Variants in SULF1 observed in about 807,000 individuals in gnomAD.
SULF1 encodes the protein sulfatase 1.
A neutral mutation model predicts 110.5 loss-of-function variants in SULF1; 46 were observed. That is an observed-to-expected ratio of 0.42 (90% CI 0.33 to 0.53). SULF1 has a LOEUF of 0.53. SULF1 is among the 20% of genes least tolerant of loss of function. SULF1 has a pLI of 0.12. For missense variants in SULF1, 941 were observed against 1,094.2 expected, an observed-to-expected ratio of 0.86 and a Z score of 1.98; for synonymous variants, 371 against 387.1, an observed-to-expected ratio of 0.96 and a Z score of 0.49.
At chr8:69,550,143 G>A (rs1814589273) in intron 3 of SULF1, among the ~76,000 whole-genome samples, 3 of 151,242 alleles carry the variant, frequency 2.0e-5, no homozygotes, top group African/African-American at 7.3e-5. Flanking sequence ...GAGTGTAAAT[G>A]CACTTCAAGA....
At chr8:69,613,860 T>C (rs1808862768) in intron 13 of SULF1, among the ~76,000 whole-genome samples, 1 of 152,076 alleles carries the variant, frequency 6.6e-6, no homozygotes, top group African/African-American at 2.4e-5. Context: ...TTCTCATGAC[T>C]ATCCATGAAG....
At chr8:69,546,584 C>T (rs1350689748) in intron 3 of SULF1, among the ~76,000 whole-genome samples, 1 of 152,210 alleles carries the variant, frequency 6.6e-6, no homozygotes, top group Non-Finnish European at 1.5e-5. Context: ...TATAATCAAT[C>T]TAACTTCCTA....
chr8:69,539,129 C>T (rs1813682001), intron 3 of SULF1, among the ~76,000 whole-genome samples: 1 of 152,194 alleles, frequency 6.6e-6, no homozygotes, highest in Non-Finnish European at 1.5e-5. Context: ...AGACACTCGC[C>T]TTTGTCATTC....
At chr8:69,637,727 T>G (rs1241234937) in intron 19 of SULF1, 2 of 152,584 alleles carry the variant, frequency 1.3e-5, no homozygotes, top group African/African-American at 4.8e-5. Flanking sequence ...GAGGATCACT[T>G]GAGCCCAGGA....
intron 5 of SULF1, among the ~76,000 whole-genome samples, chr8:69,572,988 G>A (rs1262822030): frequency 1.3e-5 from 2 of 152,150 alleles, no homozygotes; most frequent in Non-Finnish European, 2.9e-5. Flanking sequence ...CCATCATGCT[G>A]GCTAAGTTTT....
rs565486371 is a variant in SULF1, at chr8:69,638,723, C to G, written c.2428-12C>G. On this transcript the variant is annotated splice_polypyrimidine_tract_variant and intron_variant, in intron 20 of 22. Coordinates refer to ENST00000402687, the MANE Select transcript of SULF1 (RefSeq NM_001128205.2). ...CATAAGCTTAAATAGATTGTCCTGT[C>G]TGCATTCACAGCTCACAAATACAGT... 4.3e-6 allele frequency: 7 copies of G among 1,613,624 alleles called. No individual in the cohort carries two copies. In the South Asian group the frequency reaches 7.7e-5, roughly 18 times the overall value.
intron 3 of SULF1, among the ~76,000 whole-genome samples, chr8:69,554,130 C>T (rs1462042423): frequency 1.3e-5 from 2 of 152,182 alleles, no homozygotes; most frequent in African/African-American, 2.4e-5. Context: ...TATATCAGCT[C>T]CTTTGTGTGA....
chr8:69,485,484 T>C (rs111545261), intron 1 of SULF1, among the ~76,000 whole-genome samples: 2,017 of 152,338 alleles, frequency 0.013, 53 homozygotes, highest in African/African-American at 0.046. Context: ...CTCCCTTGGC[T>C]GTCTGTCACC....
chr8:69,658,395 G>A (rs1812880475), intron 22 of SULF1, 110 bp from the exon 23 acceptor site: 1 of 762,446 alleles, frequency 1.3e-6, no homozygotes, highest in East Asian at 2.5e-5. Flanking sequence ...ATGCTTTTGA[G>A]TGTCATACTT....
At chr8:69,598,929 TG>T (rs753612075) in intron 8 of SULF1, among the ~76,000 whole-genome samples, 136 of 152,328 alleles carry the variant, frequency 8.9e-4, no homozygotes, top group South Asian at 1.4e-3. Flanking sequence ...AGGGTAACTT[TG>T]TCAACCAAGA....
At chr8:69,646,407 C>G (rs185435806) in intron 22 of SULF1, among the ~76,000 whole-genome samples, 9 of 146,308 alleles carry the variant, frequency 6.2e-5, no homozygotes, top group Admixed American at 5.7e-4. Flanking sequence ...TTCGTGAGGT[C>G]AGTACTATTA....
intron 22 of SULF1, among the ~76,000 whole-genome samples, chr8:69,657,330 T>A (rs1381520650): frequency 7.2e-5 from 11 of 152,248 alleles, no homozygotes; most frequent in Admixed American, 7.2e-4. Flanking sequence ...CCCTTCTCTC[T>A]TCCTTTGTGT....
At chr8:69,496,969 T>A (rs1810404998) in intron 2 of SULF1, among the ~76,000 whole-genome samples, 1 of 152,154 alleles carries the variant, frequency 6.6e-6, no homozygotes, top group Non-Finnish European at 1.5e-5. Flanking sequence ...TCTGGCCCCA[T>A]GTCAATTGTG....
At chr8:69,613,654 C>A (rs1808847436) in intron 13 of SULF1, among the ~76,000 whole-genome samples, 1 of 152,040 alleles carries the variant, frequency 6.6e-6, no homozygotes, top group Non-Finnish European at 1.5e-5. Flanking sequence ...AATGACAAAC[C>A]TGAGTTCAAA....
upstream of SULF1, among the ~76,000 whole-genome samples, chr8:69,489,462 C>T (rs138308638): frequency 1.3e-5 from 2 of 149,340 alleles, no homozygotes; most frequent in African/African-American, 5.0e-5. Context: ...TAGTCTGTCA[C>T]AAGGTAAATA....
At chr8:69,523,546 G>A (rs1245722111) in intron 3 of SULF1, among the ~76,000 whole-genome samples, 1 of 152,136 alleles carries the variant, frequency 6.6e-6, no homozygotes, top group African/African-American at 2.4e-5. Flanking sequence ...CACAGGTGCA[G>A]ATACGGAGCA....
At chr8:69,483,261 G>A (rs970206699) in intron 1 of SULF1, among the ~76,000 whole-genome samples, 12 of 152,070 alleles carry the variant, frequency 7.9e-5, no homozygotes, top group African/African-American at 1.7e-4. Flanking sequence ...CATAGCTCAC[G>A]AGAAACTCAT....
chr8:69,635,319 C>T (rs910638835), intron 19 of SULF1, among the ~76,000 whole-genome samples: 1 of 152,130 alleles, frequency 6.6e-6, no homozygotes. Flanking sequence ...AATGATGTCT[C>T]AATATAGGCT....
At chr8:69,517,576 G>A (rs1812016109) in intron 3 of SULF1, among the ~76,000 whole-genome samples, 3 of 152,062 alleles carry the variant, frequency 2.0e-5, no homozygotes, top group East Asian at 1.9e-4. Context: ...CAGGTAAATG[G>A]GTGGGGGCAA....
Sources: gnomAD v4.1 joint callset for allele counts (sites outside exome capture counted in the v4.1 genomes callset) on GRCh38, gnomAD v4.1.1 for gene constraint, MANE v1.5 for transcripts, NCBI Gene and HGNC (gene_info 2026-07-23, HGNC 2026-07-21) for gene names.